KCNH7: variants seen among roughly 807,000 people sequenced by gnomAD.
KCNH7 encodes the protein potassium voltage-gated channel subfamily H member 7.
A neutral mutation model predicts 120.8 loss-of-function variants in KCNH7; 49 were observed. That is an observed-to-expected ratio of 0.41 (90% CI 0.32 to 0.51). KCNH7 has a LOEUF of 0.51. KCNH7 is among the 20% of genes least tolerant of loss of function. The pLI is 0.38. For synonymous variants in KCNH7, 547 were observed against 516.1 expected, an observed-to-expected ratio of 1.06 and a Z score of -0.81; for missense variants, 1,097 against 1,446.6, an observed-to-expected ratio of 0.76 and a Z score of 3.92.
chr2:162,605,831 T>C (rs1451016408), intron 2 of KCNH7, among the ~76,000 whole-genome samples: 2 of 152,096 alleles, frequency 1.3e-5, no homozygotes, highest in Admixed American at 6.6e-5. Flanking sequence ...ATAATTTGCT[T>C]TTCTTAGCAT....
At chr2:162,486,310 G>A (rs1452971412) in intron 6 of KCNH7, among the ~76,000 whole-genome samples, 1 of 152,138 alleles carries the variant, frequency 6.6e-6, no homozygotes, top group Non-Finnish European at 1.5e-5. Context: ...AATGTGGTAG[G>A]GGATCAGCTT....
intron 2 of KCNH7, among the ~76,000 whole-genome samples, chr2:162,736,537 C>T (rs1321372172): frequency 1.3e-5 from 2 of 152,120 alleles, no homozygotes; most frequent in East Asian, 3.8e-4. Flanking sequence ...GATGATGTTG[C>T]TGATTGGAAA....
At chr2:162,796,968 C>T (rs1419405428) in intron 2 of KCNH7, 1 of 151,956 alleles carries the variant, frequency 6.6e-6, no homozygotes, top group Non-Finnish European at 1.5e-5. Context: ...ATTTGTAAAG[C>T]TCTGAAATAA....
intron 7 of KCNH7, 94 bp from the exon 8 acceptor site, chr2:162,435,691 T>A: frequency 8.1e-7 from 1 of 1,242,062 alleles, no homozygotes; most frequent in South Asian, 1.6e-5. Flanking sequence ...GTTAAGACAA[T>A]AGGGTAGCAT....
chr2:162,803,086 G>A (rs1684405125), intron 2 of KCNH7, among the ~76,000 whole-genome samples: 1 of 151,672 alleles, frequency 6.6e-6, no homozygotes, highest in Non-Finnish European at 1.5e-5. Flanking sequence ...AGAACAAAAT[G>A]CTATCCTAGC....
chr2:162,758,972 T>A (rs1050748802), intron 2 of KCNH7, among the ~76,000 whole-genome samples: 1 of 152,118 alleles, frequency 6.6e-6, no homozygotes, highest in African/African-American at 2.4e-5. Flanking sequence ...AATATTCAAA[T>A]GTAGTGTAAT....
chr2:162,804,973 A>G (rs770144821), intron 2 of KCNH7, among the ~76,000 whole-genome samples: 20 of 151,584 alleles, frequency 1.3e-4, no homozygotes, highest in African/African-American at 3.9e-4. Flanking sequence ...TTCGACAAAC[A>G]TAAGTTGGGG....
At chr2:162,597,811 A>G (rs1190217526) in intron 2 of KCNH7, among the ~76,000 whole-genome samples, 1 of 152,144 alleles carries the variant, frequency 6.6e-6, no homozygotes, top group African/African-American at 2.4e-5. Flanking sequence ...GTATCCCATA[A>G]GTATATGCAA....
chr2:162,510,250 C>T (rs138253702), intron 5 of KCNH7, among the ~76,000 whole-genome samples: 9 of 151,444 alleles, frequency 5.9e-5, no homozygotes, highest in East Asian at 2.0e-4. Context: ...TAAAGGGAAA[C>T]GAAATAGATC....
intron 2 of KCNH7, among the ~76,000 whole-genome samples, chr2:162,612,595 C>T (rs1683006374): frequency 6.6e-6 from 1 of 151,780 alleles, no homozygotes; most frequent in Non-Finnish European, 1.5e-5. Flanking sequence ...CTTAGGATTT[C>T]CAGAGATAAG....
chr2:162,636,568 A>G (rs1435921054), intron 2 of KCNH7, among the ~76,000 whole-genome samples: 2 of 152,110 alleles, frequency 1.3e-5, no homozygotes, highest in Admixed American at 1.3e-4. Flanking sequence ...TTTTAATTCC[A>G]AACCAAAAAC....
chr2:162,716,302 T>G (rs1189148871), intron 2 of KCNH7, among the ~76,000 whole-genome samples: 1 of 152,110 alleles, frequency 6.6e-6, no homozygotes, highest in Non-Finnish European at 1.5e-5. Context: ...ATGTTCTAAG[T>G]TTTTTTGAAG....
chr2:162,486,703 T>G (rs1690107405), intron 6 of KCNH7, among the ~76,000 whole-genome samples: 1 of 152,184 alleles, frequency 6.6e-6, no homozygotes, highest in Non-Finnish European at 1.5e-5. Context: ...GAGTTGCACA[T>G]ATAGCCCACA....
At chr2:162,743,372 G>A (rs73014125) in intron 2 of KCNH7, among the ~76,000 whole-genome samples, 2,378 of 152,122 alleles carry the variant, frequency 0.016, 59 homozygotes, top group African/African-American at 0.055. Flanking sequence ...AGGAAAGAAA[G>A]AGAAAGAAAA....
chr2:162,621,496 T>A, intron 2 of KCNH7, among the ~76,000 whole-genome samples: 1 of 152,074 alleles, frequency 6.6e-6, no homozygotes, highest in East Asian at 1.9e-4. Flanking sequence ...AGTACTTCTC[T>A]GGGGTTTTGA....
At chr2:162,631,277 C>G (rs540079402) in intron 2 of KCNH7, among the ~76,000 whole-genome samples, 148 of 152,242 alleles carry the variant, frequency 9.7e-4, no homozygotes, top group Non-Finnish European at 1.9e-3. Context: ...ATTACTGACT[C>G]TTTACATTTA....
At chr2:162,532,766 A>G (rs1691968125) in intron 3 of KCNH7, among the ~76,000 whole-genome samples, 1 of 151,936 alleles carries the variant, frequency 6.6e-6, no homozygotes, top group African/African-American at 2.4e-5. Flanking sequence ...GTATATACAC[A>G]TTATCTACTT....
At chr2:162,561,649 T>C (rs1693069149) in intron 2 of KCNH7, among the ~76,000 whole-genome samples, 1 of 152,236 alleles carries the variant, frequency 6.6e-6, no homozygotes, top group African/African-American at 2.4e-5. Flanking sequence ...CCAGTGATGA[T>C]GAGCTTTTTT....
At chr2:162,749,378 T>C (rs752062688) in intron 2 of KCNH7, among the ~76,000 whole-genome samples, 4 of 152,128 alleles carry the variant, frequency 2.6e-5, no homozygotes, top group Non-Finnish European at 4.4e-5. Flanking sequence ...AAATTAAATA[T>C]TAGATACTCC....
Sources: gnomAD v4.1 joint callset for allele counts (sites outside exome capture counted in the v4.1 genomes callset) on GRCh38, gnomAD v4.1.1 for gene constraint, MANE v1.5 for transcripts, NCBI Gene and HGNC (gene_info 2026-07-23, HGNC 2026-07-21) for gene names.